The following CAST variants were observed in gnomAD, a reference collection of about 807,000 sequenced individuals.
The protein encoded by CAST is calpastatin, also known as MIR583 host.
In CAST, 76 loss-of-function variants were observed where a neutral mutation model predicts 119.6. The ratio of observed to expected loss-of-function variants is 0.64; its 90% CI spans 0.53 to 0.77. The LOEUF (loss-of-function observed/expected upper bound fraction) is 0.77. Among genes scored for constraint, CAST ranks in the 30% least tolerant of loss-of-function variants. The probability of loss-of-function intolerance (pLI) is 0.00; values close to 1 mark genes in which losing one functional copy is unlikely to be tolerated. For missense variants in CAST, 953 were observed against 946.5 expected (o/e 1.01, Z -0.09); for synonymous variants, 319 against 331.6 (o/e 0.96, Z 0.41).
At chr5:96,728,602 G>C (rs147851354) in intron 6 of CAST, 1 of 151,662 alleles carries the variant, frequency 6.6e-6, no homozygotes, top group Non-Finnish European at 1.5e-5. Context: ...TCCGCCTCCC[G>C]AGTAGCTGGG....
At chr5:96,045,376 GA>G in the CAST span, among the ~76,000 whole-genome samples, 3 of 149,852 alleles carry the variant, frequency 2.0e-5, no homozygotes, top group Non-Finnish European at 4.4e-5. Flanking sequence ...AAAAAGAAAA[GA>G]AAAAGAAAAT....
chr5:96,718,229 C>T (rs1211339549), intron 3 of CAST, among the ~76,000 whole-genome samples: 2 of 152,132 alleles, frequency 1.3e-5, no homozygotes, highest in East Asian at 3.9e-4. Flanking sequence ...TCTTGGCTTC[C>T]TCTCTTTAAG....
At chr5:96,610,183 G>T (rs537650358) in intron 1 of CAST, among the ~76,000 whole-genome samples, 1 of 152,336 alleles carries the variant, frequency 6.6e-6, no homozygotes, top group Admixed American at 6.5e-5. Context: ...CACCATGTAA[G>T]ATGTGCCTTT....
chr5:96,386,702 C>T, the CAST span, among the ~76,000 whole-genome samples: 11 of 152,344 alleles, frequency 7.2e-5, no homozygotes, highest in Admixed American at 2.6e-4. Context: ...TGGTGGCTCA[C>T]GCCTATAATT....
the CAST span, among the ~76,000 whole-genome samples, chr5:96,501,306 G>A: frequency 6.6e-6 from 1 of 152,120 alleles, no homozygotes. Flanking sequence ...AAGATTAGAA[G>A]TATAGATTTT....
At chr5:96,460,839 G>T in the CAST span, among the ~76,000 whole-genome samples, 4 of 152,018 alleles carry the variant, frequency 2.6e-5, no homozygotes, top group Admixed American at 6.6e-5. Flanking sequence ...CAAGTCCATC[G>T]ATAGACCACA....
intron 2 of CAST, among the ~76,000 whole-genome samples, chr5:96,689,361 T>G (rs1247596885): frequency 6.6e-6 from 1 of 152,218 alleles, no homozygotes; most frequent in African/African-American, 2.4e-5. Context: ...TTCCTTAATC[T>G]TTCATTGCCT....
the CAST span, among the ~76,000 whole-genome samples, chr5:96,473,533 T>C: frequency 6.6e-6 from 1 of 152,234 alleles, no homozygotes; most frequent in African/African-American, 2.4e-5. Context: ...GCTCTTGTTC[T>C]CATGGCCACA....
At chr5:95,968,514 A>G in the CAST span, among the ~76,000 whole-genome samples, 4 of 152,180 alleles carry the variant, frequency 2.6e-5, no homozygotes, top group African/African-American at 9.7e-5. Flanking sequence ...CTTATTTAAT[A>G]AGGAATCTTT....
chr5:96,221,900 A>C, the CAST span, among the ~76,000 whole-genome samples: 2 of 152,178 alleles, frequency 1.3e-5, no homozygotes, highest in Non-Finnish European at 2.9e-5. Flanking sequence ...GTATTGGTAT[A>C]AAAATAGACA....
the CAST span, among the ~76,000 whole-genome samples, chr5:96,096,459 A>G: frequency 6.6e-6 from 1 of 152,212 alleles, no homozygotes; most frequent in African/African-American, 2.4e-5. Flanking sequence ...GGACAAAGGA[A>G]GGTGATAGAA....
At chr5:96,368,012 C>A in the CAST span, among the ~76,000 whole-genome samples, 2 of 152,186 alleles carry the variant, frequency 1.3e-5, no homozygotes, top group African/African-American at 4.8e-5. Context: ...TTGTCCTTCT[C>A]ACCCACTTAC....
chr5:96,265,326 T>A, the CAST span, among the ~76,000 whole-genome samples: 1 of 152,080 alleles, frequency 6.6e-6, no homozygotes, highest in African/African-American at 2.4e-5. Context: ...ATATATAAAA[T>A]TTACTACATA....
chr5:96,255,647 A>G, the CAST span, among the ~76,000 whole-genome samples: 1 of 152,112 alleles, frequency 6.6e-6, no homozygotes, highest in East Asian at 1.9e-4. Flanking sequence ...AGGATTCCTG[A>G]ATGAAGTCAT....
the CAST span, among the ~76,000 whole-genome samples, chr5:96,077,394 G>C: frequency 6.6e-6 from 1 of 151,946 alleles, no homozygotes; most frequent in East Asian, 1.9e-4. Context: ...TCATTTATTT[G>C]CTTTAATTTG....
the CAST span, among the ~76,000 whole-genome samples, chr5:96,274,615 G>A: frequency 1.3e-5 from 2 of 152,324 alleles, no homozygotes; most frequent in South Asian, 2.1e-4. Context: ...TTTTGTGTGC[G>A]TGTCTACATT....
intron 1 of CAST, among the ~76,000 whole-genome samples, chr5:96,633,541 C>T (rs13358372): frequency 0.16 from 24,041 of 152,138 alleles, 2,939 homozygotes; most frequent in African/African-American, 0.35. Flanking sequence ...AACCCCCTGA[C>T]CTTTAGTTCC....
Position 96,757,564 on chromosome 5 carries a change from C to A in CAST, c.1762-19C>A. 6.2e-7 allele frequency: 1 copy of A among 1,612,808 alleles called. No individual in the cohort carries two copies. Among genetic ancestry groups the A allele is most frequent in the Non-Finnish European group, 8.5e-7 (1 of 1,178,778 alleles). ...CTGATTGCAATGGTGTTTGTTGATA[C>A]ATTTCCTGGTTCTTGCAGCCCATGA... is the stretch of plus-strand genomic sequence containing the variant. On this transcript the variant is annotated intron_variant, in intron 23 of 31. Coordinates refer to ENST00000675179, the MANE Select transcript of CAST (RefSeq NM_001750.7).
chr5:96,658,098 G>GAA (rs377392488), upstream of CAST, among the ~76,000 whole-genome samples: 1 of 146,762 alleles, frequency 6.8e-6, no homozygotes, highest in African/African-American at 2.5e-5. Context: ...GAGTCCATCT[G>GAA]AAAAAAAAAA....
Sources: gnomAD v4.1 joint callset for allele counts (sites outside exome capture counted in the v4.1 genomes callset) on GRCh38, gnomAD v4.1.1 for gene constraint, MANE v1.5 for transcripts, NCBI Gene and HGNC (gene_info 2026-07-23, HGNC 2026-07-21) for gene names.